The following SPOCK1 variants were observed in gnomAD, a reference collection of about 807,000 sequenced individuals.
SPOCK1 encodes the protein testican-1.
A neutral mutation model predicts 55.3 loss-of-function variants in SPOCK1; 23 were observed. The observed-to-expected ratio is 0.42, with a 90% CI of 0.30 to 0.59. SPOCK1 has a LOEUF of 0.59. Among genes scored for constraint, SPOCK1 ranks in the 20% least tolerant of loss-of-function variants. The pLI, the probability that SPOCK1 is intolerant of heterozygous loss-of-function variation, is 0.22. For synonymous variants in SPOCK1, 226 were observed against 221.0 expected (o/e 1.02, Z -0.20); for missense variants, 499 against 552.5 (o/e 0.90, Z 0.97).
chr5:137,207,487 A>G (rs557824397), intron 3 of SPOCK1, among the ~76,000 whole-genome samples: 8 of 152,336 alleles, frequency 5.3e-5, no homozygotes, highest in African/African-American at 1.9e-4. Context: ...TTCAGTTGCA[A>G]CACTGCCCTG....
At chr5:137,073,402 G>A (rs1420661921) in intron 5 of SPOCK1, among the ~76,000 whole-genome samples, 4 of 136,792 alleles carry the variant, frequency 2.9e-5, no homozygotes, top group African/African-American at 8.6e-5. Flanking sequence ...GGGAAGGAGG[G>A]TCAAGGAAAA....
At chr5:137,335,558 T>C (rs1262363854) in intron 2 of SPOCK1, among the ~76,000 whole-genome samples, 2 of 152,212 alleles carry the variant, frequency 1.3e-5, no homozygotes, top group African/African-American at 4.8e-5. Context: ...GAAGAGTTAA[T>C]AGCCAAGTTT....
intron 3 of SPOCK1, among the ~76,000 whole-genome samples, chr5:137,253,438 T>C (rs1441768096): frequency 2.6e-5 from 4 of 152,228 alleles, no homozygotes; most frequent in Admixed American, 6.5e-5. Context: ...ACCTCAGACA[T>C]ACCAATTAGG....
chr5:137,242,079 A>C (rs1159170168), intron 3 of SPOCK1, among the ~76,000 whole-genome samples: 1 of 152,160 alleles, frequency 6.6e-6, no homozygotes, highest in Non-Finnish European at 1.5e-5. Context: ...ACACTAAAAA[A>C]CCATACAGGC....
intron 2 of SPOCK1, among the ~76,000 whole-genome samples, chr5:137,337,132 T>C (rs1750297937): frequency 6.6e-6 from 1 of 152,050 alleles, no homozygotes; most frequent in Non-Finnish European, 1.5e-5. Flanking sequence ...GTAGCTACCT[T>C]TTGCAAAAAG....
intron 2 of SPOCK1, among the ~76,000 whole-genome samples, chr5:137,483,568 A>G (rs80355654): frequency 0.014 from 2,201 of 152,238 alleles, 52 homozygotes; most frequent in African/African-American, 0.051. Flanking sequence ...GCTGGACTAT[A>G]TCTTACATTA....
intron 2 of SPOCK1, among the ~76,000 whole-genome samples, chr5:137,300,176 A>C (rs980795218): frequency 6.6e-6 from 1 of 151,858 alleles, no homozygotes; most frequent in African/African-American, 2.4e-5. Flanking sequence ...TTTCCAAACT[A>C]CTCTGGACTC....
At chr5:137,407,890 C>A (rs1391045279) in intron 2 of SPOCK1, among the ~76,000 whole-genome samples, 1 of 152,202 alleles carries the variant, frequency 6.6e-6, no homozygotes, top group Non-Finnish European at 1.5e-5. Flanking sequence ...ACATCCCAGT[C>A]CTGCTTCCAA....
At chr5:137,346,379 G>C (rs1750555267) in intron 2 of SPOCK1, among the ~76,000 whole-genome samples, 1 of 152,118 alleles carries the variant, frequency 6.6e-6, no homozygotes, top group African/African-American at 2.4e-5. Context: ...AAATGGATAG[G>C]ATTTATTTGA....
Position 137,400,127 on chromosome 5 carries a change from T to A in SPOCK1, c.186+98246A>T, listed in dbSNP as rs574212214. ...CATGGGCGTTAAGTTAACTGGGATA[T>A]TCTTGCCCCTCTGCAGTCAGTGTGT... On this transcript the variant is annotated intron_variant, in intron 2 of 10. Coordinates refer to ENST00000394945, the MANE Select transcript of SPOCK1 (RefSeq NM_004598.4). Among the ~76,000 whole-genome samples, 16 of 152,350 alleles carry A rather than the reference T, an allele frequency of 1.1e-4. No homozygotes were observed. In the South Asian group the frequency reaches 1.7e-3, roughly 16 times the overall value.
chr5:137,455,039 G>A (rs1485582779), intron 2 of SPOCK1, among the ~76,000 whole-genome samples: 1 of 152,154 alleles, frequency 6.6e-6, no homozygotes, highest in Non-Finnish European at 1.5e-5. Flanking sequence ...TAATGGGTAA[G>A]TTTCTCCAGA....
rs76813051 is a variant in SPOCK1 at position 136,986,005 on chromosome 5, G to A, written c.929-803C>T. ...TCTTTGGCTGATACTGCCTCTTTCT[G>A]CAGGCCCCACACTTGCATATAAAGT... On this transcript the variant is annotated intron_variant, in intron 8 of 10. Transcript: ENST00000394945. Among the ~76,000 whole-genome samples the A allele has an allele frequency of 6.4e-3, 976 of 152,168 alleles. 13 individuals carry two copies. The highest frequency in any genetic ancestry group is 0.023 in the African/African-American group (939 of 41,488).
intron 2 of SPOCK1, among the ~76,000 whole-genome samples, chr5:137,308,949 TA>T (rs1039915460): frequency 6.6e-6 from 1 of 151,864 alleles, no homozygotes; most frequent in Non-Finnish European, 1.5e-5. Context: ...TTTACACACT[TA>T]AAAAAAATGA....
intron 3 of SPOCK1, among the ~76,000 whole-genome samples, chr5:137,235,091 G>A (rs755149361): frequency 1.5e-4 from 23 of 152,288 alleles, no homozygotes; most frequent in Middle Eastern, 3.4e-3. Context: ...CCAGACATTT[G>A]GGGCTGAATC....
At chr5:137,399,099 T>A (rs539153462) in intron 2 of SPOCK1, among the ~76,000 whole-genome samples, 1 of 152,232 alleles carries the variant, frequency 6.6e-6, no homozygotes, top group Non-Finnish European at 1.5e-5. Flanking sequence ...TATATTATAA[T>A]AAGCCTTTTA....
chr5:137,457,814 A>T (rs1413804179), intron 2 of SPOCK1, among the ~76,000 whole-genome samples: 2 of 152,170 alleles, frequency 1.3e-5, no homozygotes, highest in African/African-American at 2.4e-5. Flanking sequence ...AAAAAAGGGG[A>T]ATTTGTTCCT....
intron 5 of SPOCK1, among the ~76,000 whole-genome samples, chr5:137,094,883 A>G (rs953540149): frequency 6.6e-6 from 1 of 152,240 alleles, no homozygotes; most frequent in African/African-American, 2.4e-5. Context: ...CTCATCTTTC[A>G]ATATGCCTTT....
chr5:137,093,997 A>C lies in SPOCK1; in HGVS notation c.474+18438T>G, dbSNP rs146616287. On this transcript the variant is annotated intron_variant, in intron 5 of 10. Transcript: ENST00000394945. ...CAGAGACCAGTAATGAGACCATGCAATGTCCCTGGGGCTCTCACCAGTGTT... is the reference window on the plus strand; with the variant it reads ...CAGAGACCAGTAATGAGACCATGCACTGTCCCTGGGGCTCTCACCAGTGTT... Among the ~76,000 whole-genome samples the C allele has an allele frequency of 1.3e-3, 196 of 152,332 alleles. 1 individual carries two copies. Among genetic ancestry groups the C allele is most frequent in the African/African-American group, 4.6e-3 (191 of 41,576 alleles).
At chr5:137,280,974 A>G (rs1757156824) in intron 2 of SPOCK1, among the ~76,000 whole-genome samples, 1 of 152,186 alleles carries the variant, frequency 6.6e-6, no homozygotes, top group South Asian at 2.1e-4. Context: ...TAAGAAGAAG[A>G]GAAGGGAATA....
Sources: allele counts gnomAD v4.1 joint callset (sites outside exome capture counted in the v4.1 genomes callset), GRCh38; gene constraint gnomAD v4.1.1; transcripts MANE v1.5; gene names NCBI Gene and HGNC (gene_info 2026-07-23, HGNC 2026-07-21).